The following MFAP5 variants were observed in gnomAD, a reference collection of about 807,000 sequenced individuals.
MFAP5 encodes microfibril associated protein 5.
MFAP5 carries 19 observed loss-of-function variants against 30.1 expected under a neutral mutation model. The observed-to-expected ratio is 0.63, with a 90% CI of 0.44 to 0.93. MFAP5 has a LOEUF of 0.93. MFAP5 is among the 40% of genes least tolerant of loss of function. The pLI is 0.00. For synonymous variants in MFAP5, 92 were observed against 72.9 expected (o/e 1.26, Z -1.33); for missense variants, 210 against 221.3 (o/e 0.95, Z 0.32).
rs752617323 is a variant in MFAP5, at chr12:8,654,402, C to T, written c.217+35G>A. ...GGGCTCTGGGGAAAGCCTAGAATGG[C>T]CCTGATGACCTGGGGGTCCCAGATC... On this transcript the variant is annotated intron_variant, in intron 6 of 9. Coordinates refer to ENST00000359478, the MANE Select transcript of MFAP5 (RefSeq NM_003480.4). The T allele has an allele frequency of 5.7e-6, 9 of 1,572,776 alleles. No homozygotes were observed. The East Asian group carries it at 9.1e-5, about 16-fold the overall frequency.
At position 8,656,155 on chromosome 12, in the gene MFAP5, G is replaced by C. The variant is rs977919400; in HGVS notation, c.95-325C>G. ...GGCTCACTGCAAGCTCCGCCTCCCG[G>C]GTTCACATCATTCTCCTGCCTCAGC... On this transcript the variant is annotated intron_variant, in intron 3 of 9. Coordinates refer to ENST00000359478, the MANE Select transcript of MFAP5 (RefSeq NM_003480.4). Among the ~76,000 whole-genome samples the C allele has an allele frequency of 2.6e-5, 4 of 150,948 alleles. No homozygotes were observed. The East Asian group carries it at 7.8e-4, about 30-fold the overall frequency.
chr12:8,660,248 G>A (rs945985008), intron 3 of MFAP5, among the ~76,000 whole-genome samples: 7 of 149,676 alleles, frequency 4.7e-5, no homozygotes, highest in Non-Finnish European at 7.4e-5. Flanking sequence ...GAGTGCAATG[G>A]CATGATCATG....
chr12:8,653,154 T>C (rs1170173855), intron 6 of MFAP5, among the ~76,000 whole-genome samples: 1 of 149,936 alleles, frequency 6.7e-6, no homozygotes, highest in Non-Finnish European at 1.5e-5. Context: ...ATCGCGCTAT[T>C]GCACTCCAGC....
chr12:8,656,260 C>T (rs1323736787), intron 3 of MFAP5, among the ~76,000 whole-genome samples: 1 of 151,242 alleles, frequency 6.6e-6, no homozygotes, highest in Non-Finnish European at 1.5e-5. Context: ...CGGGGTTTCA[C>T]CGTGGTCTCG....
At chr12:8,652,962 G>A (rs1400172241) in intron 6 of MFAP5, among the ~76,000 whole-genome samples, 1 of 152,090 alleles carries the variant, frequency 6.6e-6, no homozygotes, top group Non-Finnish European at 1.5e-5. Context: ...GGCCAGGGTG[G>A]TTGGATCACC....
At chr12:8,661,255 C>A (rs1052469272) in intron 2 of MFAP5, among the ~76,000 whole-genome samples, 2 of 152,112 alleles carry the variant, frequency 1.3e-5, no homozygotes, top group Non-Finnish European at 2.9e-5. Flanking sequence ...ACGGCTTCCC[C>A]GCTAGCTATG....
chr12:8,656,091 C>T (rs1475560518), intron 3 of MFAP5, among the ~76,000 whole-genome samples: 24 of 141,282 alleles, frequency 1.7e-4, no homozygotes, highest in Non-Finnish European at 3.1e-4. Context: ...GACGGAGTCT[C>T]GCTCTGTCGC....
chr12:8,649,644 G>A, intron 8 of MFAP5, 70 bp from the exon 9 acceptor site: 1 of 1,223,156 alleles, frequency 8.2e-7, no homozygotes, highest in Non-Finnish European at 1.2e-6. Flanking sequence ...ACTCACCTGG[G>A]TCTGGGATGC....
chr12:8,656,095 CTG>C lies in MFAP5; in HGVS notation c.95-267_95-266del, dbSNP rs1345433731. Among the ~76,000 whole-genome samples the C allele has an allele frequency of 2.2e-5, 3 of 137,288 alleles. No individual in the cohort carries two copies. The South Asian group carries it at 6.7e-4, about 31-fold the overall frequency. The allele number at this position is 137,288 out of a possible 152,430, so 90.1% of individuals were successfully genotyped here. On this transcript the variant is annotated intron_variant, in intron 3 of 9. Transcript: ENST00000359478. ...TTTTTTTTTGAGACGGAGTCTCGCT[CTG>C]TCGCCCAGGCTGGAGTGCAGGGGCG...
chr12:8,654,488 A>G lies in MFAP5; in HGVS notation c.173-7T>C. 6.2e-7 allele frequency: 1 copy of G among 1,601,902 alleles called. No individual in the cohort carries two copies. Among genetic ancestry groups the G allele is most frequent in the Admixed American group, 1.7e-5 (1 of 58,050 alleles). On this transcript the variant is annotated splice_polypyrimidine_tract_variant and splice_region_variant and intron_variant, in intron 5 of 9. Transcript: ENST00000359478. ...TCAGCCAAAACAGCCAAAACTGAAA[A>G]GGCACAAAACAGCAGGTATGAGGAG...
chr12:8,654,126 CAAA>C (rs61055144), intron 6 of MFAP5: 388 of 113,094 alleles, frequency 3.4e-3, no homozygotes, highest in Middle Eastern at 0.01. Context: ...TAATCCGTCT[CAAA>C]AAAAAAAAAA....
chr12:8,650,016 C>T lies in MFAP5; in HGVS notation c.336-442G>A, dbSNP rs774216555. ...TCATAGCTTAGCTCCCACTTATAAG[C>T]GAGAACATACAATATTTGGTTTTTC... On this transcript the variant is annotated intron_variant, in intron 8 of 9. Coordinates refer to ENST00000359478, the MANE Select transcript of MFAP5 (RefSeq NM_003480.4). Among the ~76,000 whole-genome samples, 7 of 152,248 alleles carry T rather than the reference C, an allele frequency of 4.6e-5. No homozygotes were observed. The South Asian group carries it at 1.0e-3, about 23-fold the overall frequency.
In MFAP5 at chr12:8,662,117, G is replaced by T; in HGVS notation, c.-2-11C>A. The T allele has an allele frequency of 6.2e-7, 1 of 1,612,386 alleles. No homozygotes were observed. The highest frequency in any genetic ancestry group is 8.5e-7 in the Non-Finnish European group (1 of 1,179,408). On this transcript the variant is annotated splice_polypyrimidine_tract_variant and intron_variant, in intron 1 of 9. Coordinates refer to ENST00000359478, the MANE Select transcript of MFAP5 (RefSeq NM_003480.4). Reference sequence around the variant, plus strand: ...CCAAGAGCGACATATCTATAGGGGTGGTGGGCATAGCAGAGAATGTGATGC... The same window carrying T: ...CCAAGAGCGACATATCTATAGGGGTTGTGGGCATAGCAGAGAATGTGATGC...
intron 3 of MFAP5, among the ~76,000 whole-genome samples, chr12:8,657,535 G>C (rs1942036791): frequency 6.6e-6 from 1 of 151,560 alleles, no homozygotes; most frequent in East Asian, 1.9e-4. Flanking sequence ...CTACCCACTA[G>C]GGGTCAGCAA....
rs1340271393 is a variant in MFAP5, at chr12:8,648,173, G to T, written c.440C>A (p.Pro147His). The T allele has an allele frequency of 6.2e-7, 1 of 1,613,638 alleles. No individual in the cohort carries two copies. Among genetic ancestry groups the T allele is most frequent in the East Asian group, 2.2e-5 (1 of 44,884 alleles). ...ATTGGAGCGACGGAGTCTCCTAGGG[G>T]GCAGACCAGCCATCTGACGGCAAAG... ...DELCRQMAGL[P>H]PRRLRRSNYF... Residue 147 changes from proline to histidine, a missense_variant, in exon 10 of 10, where the codon CCC becomes CAC. Pro to His is a moderately conservative substitution (Grantham distance 77). Transcript: ENST00000359478.
rs1199850216 is a variant in MFAP5, at chr12:8,655,414, C to T, written c.172+1G>A. On this transcript the variant is annotated splice_donor_variant, in intron 5 of 9. Transcript: ENST00000359478. LOFTEE classifies it high-confidence loss of function. ...TTTTTTTTAACTGCGGTAAAATTTA[C>T]CTGTTTCATCTGTAGCGGGATCATT... 1.9e-6 allele frequency: 3 copies of T among 1,597,292 alleles called. No individual in the cohort carries two copies. The highest frequency in any genetic ancestry group is 1.4e-5 in the African/African-American group (1 of 73,918).
chr12:8,658,507 T>C (rs770791719), intron 3 of MFAP5: 1 of 152,284 alleles, frequency 6.6e-6, no homozygotes, highest in Non-Finnish European at 1.5e-5. Flanking sequence ...TCCCACAGGA[T>C]ATTTGAAAAA....
At chr12:8,649,047 A>C (rs1941760049) in intron 9 of MFAP5, among the ~76,000 whole-genome samples, 1 of 152,170 alleles carries the variant, frequency 6.6e-6, no homozygotes, top group South Asian at 2.1e-4. Context: ...TAAATGTCCC[A>C]TCTATTTTTT....
chr12:8,654,710 C>T (rs919705657), intron 5 of MFAP5, among the ~76,000 whole-genome samples: 20 of 152,124 alleles, frequency 1.3e-4, no homozygotes, highest in Non-Finnish European at 2.8e-4. Flanking sequence ...TTTTGGGAGG[C>T]TGAGGCAGGT....
Sources: gnomAD v4.1 joint callset for allele counts (sites outside exome capture counted in the v4.1 genomes callset) on GRCh38, gnomAD v4.1.1 for gene constraint, MANE v1.5 for transcripts, NCBI Gene and HGNC (gene_info 2026-07-23, HGNC 2026-07-21) for gene names.